The following ATP6V0B variants were observed in gnomAD, a reference collection of about 807,000 sequenced individuals.
ATP6V0B encodes V-type proton ATPase 21 kDa proteolipid subunit c''.
ATP6V0B carries 4 observed loss-of-function variants against 26.2 expected under a neutral mutation model. That is an observed-to-expected ratio of 0.15 (90% CI 0.08 to 0.35). The LOEUF is 0.35. Ranked by LOEUF, ATP6V0B falls within the 10% of genes least tolerant of loss-of-function variation. The probability of loss-of-function intolerance (pLI) is 1.00; values close to 1 mark genes in which losing one functional copy is unlikely to be tolerated. For missense variants in ATP6V0B, 175 were observed against 272.5 expected (o/e 0.64, Z 2.52); for synonymous variants, 110 against 105.8 (o/e 1.04, Z -0.24).
In ATP6V0B at chr1:43,978,121, C is replaced by T. The variant is rs1325155180; in HGVS notation, c.*114C>T. 7 of 1,438,004 alleles carry T rather than the reference C, an allele frequency of 4.9e-6. No homozygotes were observed. Among genetic ancestry groups the T allele is most frequent in the Non-Finnish European group, 6.8e-6 (7 of 1,023,866 alleles). The allele number at this position is 1,438,004 out of a possible 1,614,324, so 89.1% of individuals were successfully genotyped here. A position where few individuals can be genotyped will look rare whatever the true frequency, so the allele number is the denominator to read the frequency against. On this transcript the variant is annotated 3_prime_UTR_variant, in exon 8 of 8. Transcript: ENST00000472174. ...GGCTTGGTGTTCAGGGCCCTCCCTG[C>T]ACTCCCCTCTTGCTGCGTGTTGATT...
Position 43,977,967 on chromosome 1 carries a change from T to C in ATP6V0B, c.592-14T>C, listed in dbSNP as rs763103960. On this transcript the variant is annotated splice_polypyrimidine_tract_variant and intron_variant, in intron 7 of 7. Coordinates refer to ENST00000472174, the MANE Select transcript of ATP6V0B (RefSeq NM_004047.5). ...CTCTGTCCCTGCCTGATTTCTCCTG[T>C]TCTTTTTTTGCAGACCTCCAGAGTG... 5 of 1,614,120 alleles carry C rather than the reference T, an allele frequency of 3.1e-6. No individual in the cohort carries two copies. In the East Asian group the frequency reaches 8.9e-5, roughly 29 times the overall value.
chr1:43,976,814 C>T lies in ATP6V0B; in HGVS notation c.390C>T (p.Asn130=). 1 of 1,614,238 alleles carries T rather than the reference C, an allele frequency of 6.2e-7. No homozygotes were observed. Among genetic ancestry groups the T allele is most frequent in the Non-Finnish European group, 8.5e-7 (1 of 1,180,050 alleles). Residue 130 remains asparagine, a synonymous_variant, in exon 6 of 8, where the codon AAC becomes AAT. Coordinates refer to ENST00000472174, the MANE Select transcript of ATP6V0B (RefSeq NM_004047.5). The surrounding 1 kb of genome is among the most constrained non-coding windows in gnomAD (Gnocchi z 4.6). ...ACCCCAAGGCCATCGGCCATCGGAACTACCATGCAGGTGGGTGGATGGGCG... is the reference window on the plus strand; with the variant it reads ...ACCCCAAGGCCATCGGCCATCGGAATTACCATGCAGGTGGGTGGATGGGCG... ...ATDPKAIGHR[N]YHAGYSMFGA... is the part of the protein sequence containing the mutation.
Position 43,978,005 on chromosome 1 carries a change from T to C in ATP6V0B, c.616T>C (p.Ter206GlnextTer89). ...GACCTCCAGAGTGAAGATGGGTGAC[T>C]AGATGATATGTGTGGGTGGGGCCGT... ...LQTSRVKMGD[*>Q] Residue 206 changes from the stop codon to glutamine, a stop_lost, in exon 8 of 8, where the codon TAG (stop) becomes CAG (glutamine). Coordinates refer to ENST00000472174, the MANE Select transcript of ATP6V0B (RefSeq NM_004047.5). The C allele has an allele frequency of 6.2e-7, 1 of 1,614,240 alleles. No individual in the cohort carries two copies. Among genetic ancestry groups the C allele is most frequent in the Non-Finnish European group, 8.5e-7 (1 of 1,180,040 alleles).
Sources: allele counts gnomAD v4.1 joint callset, GRCh38; gene constraint gnomAD v4.1.1; non-coding constraint Gnocchi (gnomAD v3.1); transcripts MANE v1.5; gene names NCBI Gene and HGNC (gene_info 2026-07-23, HGNC 2026-07-21).